Variants in DYNC2LI1 observed in about 807,000 individuals in gnomAD.
The protein encoded by DYNC2LI1 is dynein cytoplasmic 2 light intermediate chain 1.
Under a neutral mutation model 51.9 loss-of-function variants are expected in DYNC2LI1, and 45 were observed. The observed-to-expected ratio is 0.87, with a 90% CI of 0.68 to 1.11. The LOEUF (loss-of-function observed/expected upper bound fraction) is 1.11, where lower values mean the gene tolerates loss of function less well. Ranked by LOEUF, DYNC2LI1 falls within the 50% of genes most tolerant of loss-of-function variation. The probability of loss-of-function intolerance (pLI) is 0.00; values close to 1 mark genes in which losing one functional copy is unlikely to be tolerated. For synonymous variants in DYNC2LI1, 130 were observed against 137.8 expected (o/e 0.94, Z 0.40); for missense variants, 490 against 417.4 (o/e 1.17, Z -1.51).
chr2:43,804,034 ATGTAAT>A (rs1377646248), intron 10 of DYNC2LI1, among the ~76,000 whole-genome samples: 4 of 152,152 alleles, frequency 2.6e-5, no homozygotes, highest in African/African-American at 9.7e-5. Flanking sequence ...ATTTGCTTTA[ATGTAAT>A]TATGTGTTCA....
downstream of DYNC2LI1, among the ~76,000 whole-genome samples, chr2:43,810,790 G>A (rs994696955): frequency 6.6e-6 from 1 of 152,150 alleles, no homozygotes; most frequent in Admixed American, 6.5e-5. Context: ...CTTGCTGAGT[G>A]CTATGGAAAA....
chr2:43,776,350 G>A (rs1257353795), intron 1 of DYNC2LI1, among the ~76,000 whole-genome samples: 1 of 152,040 alleles, frequency 6.6e-6, no homozygotes. Flanking sequence ...ACACAAAAAA[G>A]AAATGTTTCA....
At chr2:43,793,530 A>G (rs988925506) in intron 5 of DYNC2LI1, 3 of 152,112 alleles carry the variant, frequency 2.0e-5, no homozygotes, top group Admixed American at 2.0e-4. Flanking sequence ...GAAGTTGGAC[A>G]TCTTTTCATG....
intron 6 of DYNC2LI1, chr2:43,795,055 A>T: frequency 9.6e-7 from 1 of 1,036,396 alleles, no homozygotes; most frequent in Non-Finnish European, 1.2e-6. Flanking sequence ...TGTATTTTAC[A>T]TTCATTTCGT....
intron 1 of DYNC2LI1, among the ~76,000 whole-genome samples, chr2:43,774,561 T>C (rs2104649872): frequency 6.6e-6 from 1 of 152,262 alleles, no homozygotes; most frequent in South Asian, 2.1e-4. Flanking sequence ...AACATCACTT[T>C]TAAGGGGGGA....
chr2:43,814,361 G>C, downstream of DYNC2LI1: 2 of 721,428 alleles, frequency 2.8e-6, no homozygotes, highest in Non-Finnish European at 4.8e-6. Flanking sequence ...TTTCAAAACA[G>C]AGTTTTAAAT....
At chr2:43,804,801 T>C in intron 11 of DYNC2LI1, 62 bp downstream of exon 11, 1 of 982,940 alleles carries the variant, frequency 1.0e-6, no homozygotes, top group Non-Finnish European at 1.5e-6. Context: ...TTATAGGAAA[T>C]GTGTCAAAGG....
the DYNC2LI1 span, chr2:43,822,465 T>TCCCCACCCCCCCC: frequency 1.2e-6 from 1 of 842,970 alleles, no homozygotes; most frequent in Non-Finnish European, 1.4e-6. Flanking sequence ...GGCTGCTTTC[T>TCCCCACCCCCCCC]CCCCTCCCCC....
chr2:43,823,902 T>C, the DYNC2LI1 span: 63 of 1,612,842 alleles, frequency 3.9e-5, no homozygotes, highest in Admixed American at 8.2e-4. Flanking sequence ...CTCCAGCACG[T>C]GGGCACTTAC....
chr2:43,781,387 C>T (rs1227590160), intron 2 of DYNC2LI1, among the ~76,000 whole-genome samples: 5 of 150,882 alleles, frequency 3.3e-5, no homozygotes, highest in Non-Finnish European at 7.4e-5. Context: ...ACAAAAAAGG[C>T]GAGGGGGAGT....
chr2:43,796,858 C>G, intron 8 of DYNC2LI1, 63 bp downstream of exon 8: 2 of 1,236,984 alleles, frequency 1.6e-6, no homozygotes, highest in Admixed American at 3.4e-5. Flanking sequence ...AAATCAGCAA[C>G]TTGATGCACA....
intron 12 of DYNC2LI1, among the ~76,000 whole-genome samples, chr2:43,806,291 C>G (rs2104719308): frequency 6.6e-6 from 1 of 152,292 alleles, no homozygotes; most frequent in Non-Finnish European, 1.5e-5. Context: ...ATGCTAAGCA[C>G]TAGATCGAAA....
chr2:43,818,529 C>T, the DYNC2LI1 span, among the ~76,000 whole-genome samples: 1 of 152,182 alleles, frequency 6.6e-6, no homozygotes, highest in South Asian at 2.1e-4. Flanking sequence ...ATCATCTGTA[C>T]ATGAAATGGC....
downstream of DYNC2LI1, chr2:43,814,359 C>CA (rs539221160): frequency 5.4e-4 from 391 of 720,126 alleles, no homozygotes; most frequent in African/African-American, 6.5e-3. Flanking sequence ...TATTTCAAAA[C>CA]AGAGTTTTAA....
At position 43,804,891 on chromosome 2, in the gene DYNC2LI1, TG is replaced by T. The variant is rs1302217089; in HGVS notation, c.900+157del. On this transcript the variant is annotated intron_variant, in intron 11 of 12. Transcript: ENST00000260605. Reference sequence around the variant, plus strand: ...TTGCTGAAAATGTAAATAGGCACTGTGGGGGTTAAAAAAAAAAAAAGGTAAG... The same window carrying T: ...TTGCTGAAAATGTAAATAGGCACTGTGGGGTTAAAAAAAAAAAAAGGTAAG... The T allele has an allele frequency of 9.6e-5, 53 of 552,668 alleles. No homozygotes were observed. The East Asian group carries it at 1.5e-3, about 16-fold the overall frequency. 34.2% of individuals were successfully genotyped at this position (552,668 alleles called of 1,614,324 possible).
downstream of DYNC2LI1, among the ~76,000 whole-genome samples, chr2:43,811,525 A>G (rs1335277443): frequency 6.6e-6 from 1 of 152,170 alleles, no homozygotes; most frequent in Non-Finnish European, 1.5e-5. Context: ...ACACTGAGAC[A>G]GTTTCATTTC....
rs184458028 is a variant in DYNC2LI1, at chr2:43,809,091, C to T, written c.994-614C>T. On this transcript the variant is annotated intron_variant, in intron 12 of 12. Transcript: ENST00000260605. ...GCAGCCTTGGCCTCCCAGGTTCAAG[C>T]GATCCTCCCACCTCAGACTCCCAAG... 5.9e-5 allele frequency among the ~76,000 whole-genome samples: 9 copies of T among 152,062 alleles called. No homozygotes were observed. The East Asian group carries it at 9.7e-4, about 16-fold the overall frequency.
downstream of DYNC2LI1, among the ~76,000 whole-genome samples, chr2:43,813,923 C>T (rs905738835): frequency 1.3e-5 from 2 of 151,398 alleles, no homozygotes; most frequent in African/African-American, 2.4e-5. Context: ...TTTGCCACGT[C>T]GGCCAGGCTG....
the DYNC2LI1 span, among the ~76,000 whole-genome samples, chr2:43,821,009 T>C: frequency 6.6e-6 from 1 of 152,198 alleles, no homozygotes; most frequent in East Asian, 1.9e-4. Flanking sequence ...TTTCCTCTTA[T>C]ATTCCTTTCT....
Sources: gnomAD v4.1 joint callset for allele counts (sites outside exome capture counted in the v4.1 genomes callset) on GRCh38, gnomAD v4.1.1 for gene constraint, MANE v1.5 for transcripts, NCBI Gene and HGNC (gene_info 2026-07-23, HGNC 2026-07-21) for gene names.